The following FHIP2A variants were observed in gnomAD, a reference collection of about 807,000 sequenced individuals.
FHIP2A encodes FHF complex subunit HOOK interacting protein 2A, also known as family with sequence similarity 160 member B1.
In FHIP2A, 46 loss-of-function variants were observed where a neutral mutation model predicts 93.5. That is an observed-to-expected ratio of 0.49 (90% confidence interval 0.39 to 0.63). The LOEUF (loss-of-function observed/expected upper bound fraction) is 0.63, where lower values mean the gene tolerates loss of function less well. FHIP2A is among the 20% of genes least tolerant of loss of function. The pLI is 0.00. For synonymous variants in FHIP2A, 332 were observed against 326.5 expected (o/e 1.02, Z -0.18); for missense variants, 769 against 909.7 (o/e 0.85, Z 1.99).
intron 5 of FHIP2A, among the ~76,000 whole-genome samples, chr10:114,839,860 C>T (rs1373751421): frequency 6.3e-5 from 8 of 126,264 alleles, no homozygotes; most frequent in East Asian, 4.5e-4. Flanking sequence ...TCAGCCTGGG[C>T]GACAGAGCGA....
chr10:114,842,960 G>C lies in FHIP2A; in HGVS notation c.550G>C (p.Gly184Arg), dbSNP rs2083677325. Residue 184 changes from glycine (G) to arginine (R), a missense_variant, in exon 6 of 17, where the codon GGA becomes CGA. Coordinates refer to ENST00000369248, the MANE Select transcript of FHIP2A (RefSeq NM_020940.4). Reference protein sequence around the residue: ...ENKMKSLASKGVPNVISEDTL... With the variant: ...ENKMKSLASKRVPNVISEDTL... ...TAAGATGAAATCATTGGCTTCCAAA[G>C]GAGTACCAAATGTAATTTCAGAAGA... The C allele has an allele frequency of 4.4e-6, 7 of 1,606,828 alleles. No individual in the cohort carries two copies. The highest frequency in any genetic ancestry group is 6.0e-6 in the Non-Finnish European group (7 of 1,174,120).
chr10:114,843,562 C>T (rs1295361146), intron 6 of FHIP2A, among the ~76,000 whole-genome samples, 179 bp from the exon 7 acceptor site: 1 of 152,016 alleles, frequency 6.6e-6, no homozygotes, highest in Non-Finnish European at 1.5e-5. Context: ...CCTTGGCCTC[C>T]CAAAATGCTG....
At chr10:114,830,044 C>T (rs970555001) in intron 1 of FHIP2A, among the ~76,000 whole-genome samples, 1 of 152,052 alleles carries the variant, frequency 6.6e-6, no homozygotes, top group Non-Finnish European at 1.5e-5. Flanking sequence ...AAAAGATTTA[C>T]ATTTGTATGT....
At chr10:114,836,763 C>T (rs1427317987) in intron 5 of FHIP2A, among the ~76,000 whole-genome samples, 2 of 152,152 alleles carry the variant, frequency 1.3e-5, no homozygotes, top group African/African-American at 4.8e-5. Flanking sequence ...TTGGATTTTA[C>T]TCCTAGATTT....
intron 2 of FHIP2A, among the ~76,000 whole-genome samples, chr10:114,831,618 T>A (rs2083608515): frequency 6.6e-6 from 1 of 152,252 alleles, no homozygotes; most frequent in Non-Finnish European, 1.5e-5. Context: ...AATCGTCTTT[T>A]ACTAGTGCTA....
intron 1 of FHIP2A, among the ~76,000 whole-genome samples, chr10:114,823,974 A>G (rs2083558938): frequency 6.6e-6 from 1 of 152,208 alleles, no homozygotes; most frequent in Admixed American, 6.5e-5. Flanking sequence ...GAGTTCCAAA[A>G]AGCAAAACTT....
At chr10:114,843,346 T>G (rs575414357) in intron 6 of FHIP2A, 120 bp downstream of exon 6, 15 of 636,070 alleles carry the variant, frequency 2.4e-5, no homozygotes, top group African/African-American at 5.7e-5. Flanking sequence ...TGCTGTGTTG[T>G]CCAGGCTGGA....
chr10:114,842,440 C>T (rs539735888), intron 5 of FHIP2A, among the ~76,000 whole-genome samples: 1 of 152,086 alleles, frequency 6.6e-6, no homozygotes, highest in African/African-American at 2.4e-5. Context: ...AATTTGGGGG[C>T]TTTTGTGGAA....
At chr10:114,856,788 G>A (rs949883963) in intron 14 of FHIP2A, among the ~76,000 whole-genome samples, 3 of 152,130 alleles carry the variant, frequency 2.0e-5, no homozygotes, top group African/African-American at 4.8e-5. Context: ...ATAGCACAGC[G>A]CTGATTCATA....
intron 1 of FHIP2A, among the ~76,000 whole-genome samples, chr10:114,826,769 G>A (rs558872159): frequency 3.3e-5 from 5 of 152,254 alleles, no homozygotes; most frequent in Non-Finnish European, 5.9e-5. Context: ...CGAGGCGGAC[G>A]GATCACCTGA....
In FHIP2A at chr10:114,842,972, G is replaced by A. The variant is rs2083677420; in HGVS notation, c.562G>A (p.Val188Ile). The A allele has an allele frequency of 1.2e-6, 2 of 1,610,290 alleles. No individual in the cohort carries two copies. The highest frequency in any genetic ancestry group is 8.5e-7 in the Non-Finnish European group (1 of 1,176,914). The change falls in exon 6 of 17, where the codon GTA becomes ATA. Residue 188 changes from valine (V) to isoleucine (I), a missense_variant. By Grantham distance (29) the Val-to-Ile change is conservative. Coordinates refer to ENST00000369248, the MANE Select transcript of FHIP2A (RefSeq NM_020940.4). ...ATTGGCTTCCAAAGGAGTACCAAAT[G>A]TAATTTCAGAAGATACATTAAAAGG... Reference protein sequence around the residue: ...KSLASKGVPNVISEDTLKGQD... With the variant: ...KSLASKGVPNIISEDTLKGQD...
rs117461627 is a variant in FHIP2A at position 114,835,623 on chromosome 10, C to T, written c.381C>T (p.Asn127=). The change falls in exon 4 of 17, where the codon AAC becomes AAT. Residue 127 remains asparagine, a synonymous_variant. Transcript: ENST00000369248. ...RIRQPLLPHI[N]VHRPVQKLIR... ...GGCAGCCACTACTTCCACACATTAA[C>T]GTGCACAGGCCAGTGCAGGTATTTT... 9.3e-6 allele frequency: 15 copies of T among 1,610,420 alleles called. No homozygotes were observed. Among genetic ancestry groups the T allele is most frequent in the African/African-American group, 2.7e-5 (2 of 75,010 alleles).
At chr10:114,879,030 T>C (rs137923127) in intron 16 of FHIP2A, among the ~76,000 whole-genome samples, 2 of 152,350 alleles carry the variant, frequency 1.3e-5, no homozygotes, top group East Asian at 1.9e-4. Flanking sequence ...ACAGCTATTA[T>C]TATGTGCCAG....
chr10:114,836,181 C>G lies in FHIP2A; in HGVS notation c.457C>G (p.Gln153Glu), dbSNP rs778582871. The stretch of plus-strand genomic sequence containing the variant: ...AACACCAACAGAAAATGAAGAGATT[C>G]AGTTTCTTTGCATTGTGTGTGCGAA... ...LATPTENEEI[Q>E]FLCIVCAKLK... Residue 153 changes from glutamine to glutamate, a missense_variant, in exon 5 of 17, where the codon CAG (glutamine) becomes GAG (glutamate). Transcript: ENST00000369248. The G allele has an allele frequency of 2.5e-6, 4 of 1,605,356 alleles. No individual in the cohort carries two copies. Among genetic ancestry groups the G allele is most frequent in the African/African-American group, 1.3e-5 (1 of 74,954 alleles).
chr10:114,839,955 A>G (rs564200870), intron 5 of FHIP2A, among the ~76,000 whole-genome samples: 22 of 152,280 alleles, frequency 1.4e-4, no homozygotes, highest in African/African-American at 5.3e-4. Flanking sequence ...AAGACAGTAA[A>G]TGAATGTTCA....
chr10:114,828,216 C>T (rs2083588586), intron 1 of FHIP2A, among the ~76,000 whole-genome samples: 1 of 152,168 alleles, frequency 6.6e-6, no homozygotes, highest in Admixed American at 6.6e-5. Context: ...TTAAATCTAA[C>T]TCCTGGAGGG....
rs1359040466 is a variant in FHIP2A, at chr10:114,862,334, CAT to C, written c.*795_*796del. 6 of 987,268 alleles carry C rather than the reference CAT, an allele frequency of 6.1e-6. No individual in the cohort carries two copies. In the South Asian group the frequency reaches 2.8e-4, roughly 46 times the overall value. 61.2% of individuals were successfully genotyped at this position (987,268 alleles called of 1,614,324 possible). On this transcript the variant is annotated 3_prime_UTR_variant, in exon 17 of 17. Transcript: ENST00000369248. ...AATTGTATTTTTTTAAGCTAAGTAA[CAT>C]GTACTGGGTTGAGAACCTTTTTCCC...
intron 1 of FHIP2A, among the ~76,000 whole-genome samples, chr10:114,829,039 A>G (rs550966818): frequency 4.3e-4 from 66 of 152,348 alleles, no homozygotes; most frequent in African/African-American, 1.6e-3. Context: ...GGACACCAAG[A>G]AATCAAAATG....
intron 1 of FHIP2A, among the ~76,000 whole-genome samples, chr10:114,828,341 A>T (rs1035327852): frequency 2.0e-5 from 3 of 152,228 alleles, no homozygotes; most frequent in African/African-American, 7.2e-5. Context: ...TACAGTTTCA[A>T]TTCCCTTGAA....
Sources: gnomAD v4.1 joint callset for allele counts (sites outside exome capture counted in the v4.1 genomes callset) on GRCh38, gnomAD v4.1.1 for gene constraint, MANE v1.5 for transcripts, NCBI Gene and HGNC (gene_info 2026-07-23, HGNC 2026-07-21) for gene names.